The following TECTB variants were observed in gnomAD, a reference collection of about 807,000 sequenced individuals.
The protein encoded by TECTB is beta-tectorin.
Under a neutral mutation model 43.3 loss-of-function variants are expected in TECTB, and 45 were observed. That is an observed-to-expected ratio of 1.04 (90% CI 0.82 to 1.33). TECTB has a LOEUF of 1.33. TECTB is among the 40% of genes most tolerant of loss of function. The pLI, the probability that TECTB is intolerant of heterozygous loss-of-function variation, is 0.00. For missense variants in TECTB, 399 were observed against 404.7 expected (o/e 0.99, Z 0.12); for synonymous variants, 169 against 156.7 (o/e 1.08, Z -0.59).
At chr10:112,285,461 T>C (rs1848446107) in intron 3 of TECTB, among the ~76,000 whole-genome samples, 1 of 152,186 alleles carries the variant, frequency 6.6e-6, no homozygotes, top group Non-Finnish European at 1.5e-5. Context: ...GATTCAGTGA[T>C]TTAATGGGAA....
intron 5 of TECTB, among the ~76,000 whole-genome samples, 156 bp downstream of exon 5, chr10:112,286,547 C>T (rs1848456045): frequency 6.6e-6 from 1 of 152,188 alleles, no homozygotes; most frequent in Non-Finnish European, 1.5e-5. Flanking sequence ...CTTTAAACCT[C>T]TTTAAAAACT....
At chr10:112,288,628 C>T (rs12357375) in intron 5 of TECTB, among the ~76,000 whole-genome samples, 2 of 152,168 alleles carry the variant, frequency 1.3e-5, no homozygotes, top group East Asian at 3.9e-4. Flanking sequence ...TCAGAGCATT[C>T]TTATGTGTTT....
At chr10:112,287,991 G>A (rs1291727429) in intron 5 of TECTB, among the ~76,000 whole-genome samples, 4 of 152,086 alleles carry the variant, frequency 2.6e-5, no homozygotes, top group African/African-American at 7.2e-5. Flanking sequence ...TATAATCGGG[G>A]GCTAAATACA....
chr10:112,302,460 T>C (rs749448803), intron 10 of TECTB: 6 of 421,148 alleles, frequency 1.4e-5, no homozygotes, highest in Non-Finnish European at 2.5e-5. Flanking sequence ...ATCTGTTCAT[T>C]CAACAAATAT....
chr10:112,304,208 A>G lies in TECTB; in HGVS notation c.*896A>G, dbSNP rs1161090967. ...ATCCTACAGATAAATGCCTTGTGAC[A>G]CTCAATGCTATTTTTTCTCTATTTG... is the stretch of plus-strand genomic sequence containing the variant. On this transcript the variant is annotated 3_prime_UTR_variant, in exon 11 of 11. Transcript: ENST00000646139. 1 of 152,194 alleles carries G rather than the reference A, an allele frequency of 6.6e-6. No individual in the cohort carries two copies. Among genetic ancestry groups the G allele is most frequent in the African/African-American group, 2.4e-5 (1 of 41,456 alleles). 9.4% of individuals were successfully genotyped at this position (152,194 alleles called of 1,614,324 possible).
intron 10 of TECTB, chr10:112,302,400 C>T (rs1374147928): frequency 2.3e-6 from 1 of 429,972 alleles, no homozygotes; most frequent in Non-Finnish European, 4.1e-6. Context: ...AAAGCCATCC[C>T]CAGATGGCTT....
At chr10:112,287,243 A>C (rs1408798318) in intron 5 of TECTB, among the ~76,000 whole-genome samples, 1 of 152,246 alleles carries the variant, frequency 6.6e-6, no homozygotes, top group Non-Finnish European at 1.5e-5. Context: ...TAATTTGGGC[A>C]GGCTGCCCAT....
chr10:112,289,896 G>A (rs913525822), intron 5 of TECTB, among the ~76,000 whole-genome samples: 1 of 152,038 alleles, frequency 6.6e-6, no homozygotes, highest in Non-Finnish European at 1.5e-5. Context: ...GAGCAACTCC[G>A]AGATGTTTCC....
At chr10:112,302,742 C>T (rs907813856) in intron 10 of TECTB, 55 of 179,000 alleles carry the variant, frequency 3.1e-4, no homozygotes, top group Admixed American at 1.2e-3. Context: ...AAGGCCCCTT[C>T]CCTTGCCAAT....
At chr10:112,294,519 A>C (rs966253912) in intron 7 of TECTB, among the ~76,000 whole-genome samples, 1 of 152,212 alleles carries the variant, frequency 6.6e-6, no homozygotes, top group Admixed American at 6.5e-5. Context: ...AAAGCTTAGC[A>C]GATGGTACTT....
intron 7 of TECTB, 128 bp from the exon 8 acceptor site, chr10:112,297,941 T>G: frequency 8.1e-7 from 1 of 1,236,454 alleles, no homozygotes; most frequent in Non-Finnish European, 1.2e-6. Flanking sequence ...GAGGTGCTGC[T>G]AATCAAAATG....
chr10:112,303,147 T>C, intron 10 of TECTB, 116 bp from the exon 11 acceptor site: 2 of 1,277,104 alleles, frequency 1.6e-6, no homozygotes, highest in Non-Finnish European at 2.3e-6. Flanking sequence ...CAAAATCGAC[T>C]TTGTCTAAAA....
intron 5 of TECTB, among the ~76,000 whole-genome samples, chr10:112,289,257 A>G (rs1848478851): frequency 6.6e-6 from 1 of 152,222 alleles, no homozygotes; most frequent in Non-Finnish European, 1.5e-5. Flanking sequence ...AAGGCTGAAC[A>G]TCGATGTCAG....
rs1554853485 is a variant in TECTB, at chr10:112,286,232, T to C, written c.410+19T>C. On this transcript the variant is annotated intron_variant, in intron 4 of 10. Coordinates refer to ENST00000646139, the MANE Select transcript of TECTB (RefSeq NM_058222.3). ...ACCAGAGGTAAGTTGCTGTGCGGCATGGAGGGCTGGCTGCCTCATGTGTGT... is the reference window on the plus strand; with the variant it reads ...ACCAGAGGTAAGTTGCTGTGCGGCACGGAGGGCTGGCTGCCTCATGTGTGT... 30 of 1,614,046 alleles carry C rather than the reference T, an allele frequency of 1.9e-5. 1 individual carries two copies. The South Asian group carries it at 3.0e-4, about 16-fold the overall frequency.
chr10:112,293,830 G>T lies in TECTB; in HGVS notation c.576G>T (p.Gly192=). The change falls in exon 6 of 11, where the codon GGG becomes GGT. Residue 192 remains glycine, a synonymous_variant. Transcript: ENST00000646139. ...SDLFAGVEAK[G]LSIRFKVVLN... ...TGTTTGCAGGAGTGGAAGCCAAAGG[G>T]TTAAGCATTAGGTAAGTACATTTCC... 2 of 1,614,032 alleles carry T rather than the reference G, an allele frequency of 1.2e-6. No homozygotes were observed. Among genetic ancestry groups the T allele is most frequent in the Non-Finnish European group, 1.7e-6 (2 of 1,179,958 alleles).
chr10:112,298,359 G>A, intron 8 of TECTB, 128 bp downstream of exon 8: 3 of 1,234,458 alleles, frequency 2.4e-6, no homozygotes, highest in Admixed American at 2.1e-5. Flanking sequence ...GGAGGAAATG[G>A]CACTGAGTAT....
At chr10:112,300,319 G>GAAAGAAAGAAAGAA (rs1554854245) in intron 9 of TECTB, among the ~76,000 whole-genome samples, 1 of 107,752 alleles carries the variant, frequency 9.3e-6, no homozygotes, top group Admixed American at 9.6e-5. Flanking sequence ...AAGAAAGAAA[G>GAAAGAAAGAAAGAA]AGAAAGAAAA....
intron 9 of TECTB, among the ~76,000 whole-genome samples, chr10:112,301,206 T>C (rs904972282): frequency 1.2e-4 from 19 of 152,314 alleles, no homozygotes; most frequent in African/African-American, 4.3e-4. Context: ...GCAGATCACC[T>C]GAGGTCAGGA....
At chr10:112,287,538 T>C (rs931163814) in intron 5 of TECTB, among the ~76,000 whole-genome samples, 1 of 152,224 alleles carries the variant, frequency 6.6e-6, no homozygotes, top group Non-Finnish European at 1.5e-5. Context: ...AGGAGAAACA[T>C]CGTACTACCT....
Sources: allele counts gnomAD v4.1 joint callset (sites outside exome capture counted in the v4.1 genomes callset), GRCh38; gene constraint gnomAD v4.1.1; transcripts MANE v1.5; gene names NCBI Gene and HGNC (gene_info 2026-07-23, HGNC 2026-07-21).